Variants in ANKRD36 observed in about 807,000 individuals in gnomAD.
The protein encoded by ANKRD36 is ankyrin repeat domain 36.
Under a neutral mutation model 278.1 loss-of-function variants are expected in ANKRD36, and 179 were observed. The ratio of observed to expected loss-of-function variants is 0.64; its 90% CI spans 0.57 to 0.73. The LOEUF (loss-of-function observed/expected upper bound fraction) is 0.73. ANKRD36 is among the 30% of genes least tolerant of loss of function. ANKRD36 has a pLI of 0.00. For missense variants in ANKRD36, 1,159 were observed against 1,956.7 expected, an observed-to-expected ratio of 0.59 and a Z score of 7.69; for synonymous variants, 320 against 641.1, an observed-to-expected ratio of 0.50 and a Z score of 7.57.
intron 40 of ANKRD36, among the ~76,000 whole-genome samples, chr2:97,196,323 G>A (rs867786751): frequency 1.3e-5 from 2 of 151,894 alleles, no homozygotes; most frequent in Middle Eastern, 6.8e-3. Flanking sequence ...CTCGGCCTAA[G>A]ACATTGATAT....
intron 36 of ANKRD36, 149 bp downstream of exon 36, chr2:97,191,330 A>T: frequency 2.0e-6 from 2 of 1,016,902 alleles, no homozygotes; most frequent in Non-Finnish European, 2.7e-6. Flanking sequence ...TTCTTGGGTG[A>T]TGGTGATGCT....
rs1175345947 is a variant in ANKRD36 at position 97,152,616 on chromosome 2, A to G, written c.1193+82A>G. ...GAAACTAGTATTTGTTTAGTATTCTACTCTGTGCTGGACACCATATTACAT... is the reference window on the plus strand; with the variant it reads ...GAAACTAGTATTTGTTTAGTATTCTGCTCTGTGCTGGACACCATATTACAT... On this transcript the variant is annotated intron_variant, in intron 14 of 75. Transcript: ENST00000420699. The G allele has an allele frequency of 3.3e-6, 4 of 1,194,576 alleles. 1 individual carries two copies. Among genetic ancestry groups the G allele is most frequent in the African/African-American group, 1.5e-5 (1 of 68,916 alleles). 74.0% of individuals were successfully genotyped at this position (1,194,576 alleles called of 1,614,324 possible).
intron 14 of ANKRD36, 50 bp downstream of exon 14, chr2:97,152,584 G>C: frequency 7.0e-7 from 1 of 1,420,544 alleles, no homozygotes; most frequent in Admixed American, 2.1e-5. Flanking sequence ...AGTGAATAGA[G>C]AGAAGAGAAA....
At chr2:97,161,646 A>C (rs1378219093) in intron 17 of ANKRD36, among the ~76,000 whole-genome samples, 3 of 152,158 alleles carry the variant, frequency 2.0e-5, no homozygotes, top group Admixed American at 6.6e-5. Flanking sequence ...CTCCCATTTT[A>C]TCTCTCCACT....
chr2:97,186,721 C>G (rs1312839425), intron 30 of ANKRD36, among the ~76,000 whole-genome samples: 1 of 151,878 alleles, frequency 6.6e-6, no homozygotes, highest in East Asian at 1.9e-4. Context: ...GTACATTCAA[C>G]TGAAGTGTCA....
intron 24 of ANKRD36, among the ~76,000 whole-genome samples, chr2:97,180,404 A>T (rs1309181972): frequency 6.6e-6 from 1 of 151,596 alleles, no homozygotes; most frequent in East Asian, 1.9e-4. Context: ...AGGGATTGTG[A>T]GGCAGGAAGG....
At chr2:97,206,500 AACAG>A (rs1254931657) in intron 52 of ANKRD36, among the ~76,000 whole-genome samples, 1 of 151,602 alleles carries the variant, frequency 6.6e-6, no homozygotes, top group African/African-American at 2.4e-5. Context: ...TACTGCTAAA[AACAG>A]ACAGAAAACT....
At chr2:97,191,429 A>T (rs578077231) in intron 36 of ANKRD36, among the ~76,000 whole-genome samples, 3 of 151,746 alleles carry the variant, frequency 2.0e-5, no homozygotes, top group Non-Finnish European at 4.4e-5. Flanking sequence ...AGTTGAAGAC[A>T]TAAGGGGCTC....
intron 6 of ANKRD36, among the ~76,000 whole-genome samples, chr2:97,129,377 T>C (rs2039469383): frequency 6.6e-6 from 1 of 152,120 alleles, no homozygotes; most frequent in Non-Finnish European, 1.5e-5. Context: ...ATTAGCCCTT[T>C]GTCAGATGAG....
At chr2:97,230,391 T>C (rs1472178716) in intron 67 of ANKRD36, among the ~76,000 whole-genome samples, 5 of 152,092 alleles carry the variant, frequency 3.3e-5, no homozygotes, top group African/African-American at 1.2e-4. Flanking sequence ...ATTCATTTCA[T>C]CTTCCATCAC....
chr2:97,248,277 G>C (rs2075564134), intron 72 of ANKRD36: 3 of 114,556 alleles, frequency 2.6e-5, no homozygotes, highest in Admixed American at 2.6e-4. Flanking sequence ...CTTATTTGTA[G>C]AGAAAGCTAA....
At chr2:97,261,767 TG>T (rs1364051881) in intron 75 of ANKRD36, among the ~76,000 whole-genome samples, 2 of 42,760 alleles carry the variant, frequency 4.7e-5, no homozygotes, top group African/African-American at 4.8e-4. Flanking sequence ...ACATCTGGAT[TG>T]TCTGGCTCCT....
intron 20 of ANKRD36, among the ~76,000 whole-genome samples, chr2:97,165,807 G>A (rs1305415670): frequency 4.6e-5 from 7 of 152,288 alleles, no homozygotes; most frequent in African/African-American, 1.7e-4. Flanking sequence ...AAATCTTTCT[G>A]TTTTATATAT....
chr2:97,203,936 C>A, intron 48 of ANKRD36, 132 bp from the exon 49 acceptor site: 1 of 1,409,290 alleles, frequency 7.1e-7, no homozygotes, highest in East Asian at 2.5e-5. Flanking sequence ...ATCCCCAGAC[C>A]AAAATTAGAA....
At chr2:97,139,218 T>G (rs1265134846) in intron 6 of ANKRD36, among the ~76,000 whole-genome samples, 4 of 151,982 alleles carry the variant, frequency 2.6e-5, no homozygotes, top group Non-Finnish European at 5.9e-5. Flanking sequence ...AGACAGTCAT[T>G]CTGAGCTGTT....
At chr2:97,223,065 A>G (rs1267137040) in intron 66 of ANKRD36, among the ~76,000 whole-genome samples, 3 of 151,666 alleles carry the variant, frequency 2.0e-5, no homozygotes, top group African/African-American at 7.3e-5. Context: ...TTCATTTTTG[A>G]CAATTATTTA....
intron 68 of ANKRD36, among the ~76,000 whole-genome samples, chr2:97,240,989 T>G (rs1425568740): frequency 3.3e-4 from 19 of 57,278 alleles, no homozygotes; most frequent in African/African-American, 1.1e-3. Context: ...TATGTTTTTT[T>G]TTTTTTTTTT....
intron 66 of ANKRD36, among the ~76,000 whole-genome samples, chr2:97,222,273 G>T (rs1169542710): frequency 6.6e-6 from 1 of 151,914 alleles, no homozygotes; most frequent in African/African-American, 2.4e-5. Flanking sequence ...CTCTTTTTTG[G>T]TTCCATATGA....
chr2:97,183,634 G>A lies in ANKRD36; in HGVS notation c.1919G>A (p.Gly640Asp), dbSNP rs1173209844. 6.4e-6 allele frequency: 10 copies of A among 1,574,792 alleles called. No individual in the cohort carries two copies. The highest frequency in any genetic ancestry group is 2.3e-5 in the East Asian group (1 of 42,816). ...SLLNIATRIM[G>D]GGKSGTVSSQ... ...TTGAATATTGCCACAAGAATAATGG[G>A]TGGTGGGAAATCTGGAACAGGTAAT... The change falls in exon 28 of 76, where the codon GGT becomes GAT. Residue 640 changes from glycine (G) to aspartate (D), a missense_variant. Transcript: ENST00000420699.
Sources: gnomAD v4.1 joint callset for allele counts (sites outside exome capture counted in the v4.1 genomes callset) on GRCh38, gnomAD v4.1.1 for gene constraint, MANE v1.5 for transcripts, NCBI Gene and HGNC (gene_info 2026-07-23, HGNC 2026-07-21) for gene names.